The following MGAT5 variants were observed in gnomAD, a reference collection of about 807,000 sequenced individuals.
The protein encoded by MGAT5 is alpha-1,6-mannosylglycoprotein 6-beta-N-acetylglucosaminyltransferase.
In MGAT5, 30 loss-of-function variants were observed where a neutral mutation model predicts 94.3. That is an observed-to-expected ratio of 0.32 (90% confidence interval 0.24 to 0.43). The LOEUF (loss-of-function observed/expected upper bound fraction) is 0.43, where lower values mean the gene tolerates loss of function less well. Among genes scored for constraint, MGAT5 ranks in the 20% least tolerant of loss-of-function variants. The pLI, the probability that MGAT5 is intolerant of heterozygous loss-of-function variation, is 1.00. For missense variants in MGAT5, 691 were observed against 905.5 expected (o/e 0.76, Z 3.04); for synonymous variants, 310 against 322.9 (o/e 0.96, Z 0.43).
intron 2 of MGAT5, among the ~76,000 whole-genome samples, chr2:134,309,863 C>T (rs939406329): frequency 1.6e-4 from 25 of 152,038 alleles, no homozygotes; most frequent in Admixed American, 6.5e-4. Context: ...CAGCTTAATT[C>T]GACAATTCTG....
intron 2 of MGAT5, among the ~76,000 whole-genome samples, chr2:134,274,944 T>A (rs2105672330): frequency 6.6e-6 from 1 of 152,350 alleles, no homozygotes; most frequent in South Asian, 2.1e-4. Context: ...TTCTTACCAT[T>A]TGAAAGTTGA....
intron 4 of MGAT5, among the ~76,000 whole-genome samples, chr2:134,323,768 A>C (rs1687472715): frequency 6.6e-6 from 1 of 152,108 alleles, no homozygotes; most frequent in Non-Finnish European, 1.5e-5. Context: ...GCCTCCAAAA[A>C]AACACAAACT....
chr2:134,302,516 G>T (rs1319355947), intron 2 of MGAT5, among the ~76,000 whole-genome samples: 1 of 152,088 alleles, frequency 6.6e-6, no homozygotes, highest in Non-Finnish European at 1.5e-5. Context: ...CCCTTCTGTA[G>T]TTCCAAGTTA....
chr2:134,435,406 A>G (rs539615679), intron 14 of MGAT5, among the ~76,000 whole-genome samples: 3 of 152,284 alleles, frequency 2.0e-5, no homozygotes, highest in African/African-American at 7.2e-5. Flanking sequence ...GTCTTTTCCC[A>G]GCTGCCACCA....
chr2:134,231,226 A>G (rs911654143), intron 1 of MGAT5: 5 of 152,194 alleles, frequency 3.3e-5, no homozygotes, highest in African/African-American at 1.2e-4. Flanking sequence ...AATGTGTCCA[A>G]TCTGTTCTGA....
chr2:134,147,205 G>A (rs1686959897), intron 1 of MGAT5, among the ~76,000 whole-genome samples: 1 of 152,186 alleles, frequency 6.6e-6, no homozygotes. Context: ...GCATGGATGT[G>A]AGCATTAGAA....
At chr2:134,278,213 A>T (rs1684495004) in intron 2 of MGAT5, among the ~76,000 whole-genome samples, 1 of 152,214 alleles carries the variant, frequency 6.6e-6, no homozygotes, top group South Asian at 2.1e-4. Flanking sequence ...TTAAGAAGAA[A>T]ATACAGTTCA....
chr2:134,301,983 G>A (rs539037257), intron 2 of MGAT5, among the ~76,000 whole-genome samples: 2 of 152,252 alleles, frequency 1.3e-5, no homozygotes, highest in East Asian at 3.9e-4. Flanking sequence ...TAAATAGTAA[G>A]ACCAAAGAAC....
At chr2:134,312,521 A>G (rs1331924955) in intron 2 of MGAT5, among the ~76,000 whole-genome samples, 1 of 152,144 alleles carries the variant, frequency 6.6e-6, no homozygotes, top group South Asian at 2.1e-4. Flanking sequence ...GTTCTCTGGA[A>G]CTTGGGCACT....
chr2:134,266,508 G>A (rs1467124624), intron 1 of MGAT5, among the ~76,000 whole-genome samples: 4 of 152,170 alleles, frequency 2.6e-5, no homozygotes, highest in African/African-American at 7.2e-5. Flanking sequence ...GGCGTGAGCC[G>A]CCGCGCCAGC....
At chr2:134,145,216 G>C (rs140324704) in intron 1 of MGAT5, among the ~76,000 whole-genome samples, 2,176 of 90,144 alleles carry the variant, frequency 0.024, 18 homozygotes, top group East Asian at 0.08. Context: ...CTCTCTCTCT[G>C]TGTGTGTGTG....
At chr2:134,323,389 T>A (rs1002144678) in intron 4 of MGAT5, among the ~76,000 whole-genome samples, 4 of 152,104 alleles carry the variant, frequency 2.6e-5, no homozygotes, top group African/African-American at 9.7e-5. Context: ...TTTATTTAAG[T>A]GACTTCAGCA....
intron 1 of MGAT5, among the ~76,000 whole-genome samples, chr2:134,138,291 CT>C (rs1686511586): frequency 6.6e-6 from 1 of 151,672 alleles, no homozygotes; most frequent in South Asian, 2.1e-4. Context: ...TCTGTAGGAT[CT>C]CTGACCACTC....
chr2:134,418,875 T>C (rs994782809), intron 12 of MGAT5, among the ~76,000 whole-genome samples: 1 of 152,190 alleles, frequency 6.6e-6, no homozygotes, highest in Non-Finnish European at 1.5e-5. Context: ...TCAGACAGCA[T>C]TGAGAGGGAC....
intron 2 of MGAT5, among the ~76,000 whole-genome samples, chr2:134,274,187 A>G (rs995513658): frequency 1.3e-5 from 2 of 152,246 alleles, no homozygotes; most frequent in Admixed American, 6.5e-5. Context: ...TGTTCTGCCC[A>G]TAGTGTCTTG....
intron 10 of MGAT5, among the ~76,000 whole-genome samples, chr2:134,391,440 C>T (rs1181607245): frequency 6.6e-6 from 1 of 152,192 alleles, no homozygotes; most frequent in Admixed American, 6.5e-5. Flanking sequence ...AAATTTATTT[C>T]TCACAGTTCT....
intron 1 of MGAT5, among the ~76,000 whole-genome samples, chr2:134,120,685 G>A (rs1452873530): frequency 6.6e-6 from 1 of 151,890 alleles, no homozygotes; most frequent in East Asian, 2.0e-4. Flanking sequence ...CGCTCGGACC[G>A]CGGAGGAGCC....
chr2:134,330,623 G>A (rs1304485970), intron 4 of MGAT5, among the ~76,000 whole-genome samples: 7 of 148,604 alleles, frequency 4.7e-5, no homozygotes, highest in African/African-American at 1.5e-4. Flanking sequence ...ATACATGATG[G>A]TATGCTTATG....
intron 2 of MGAT5, among the ~76,000 whole-genome samples, chr2:134,313,067 CACACACACACACACACACACACACAT>C (rs1313902969): frequency 2.7e-5 from 4 of 147,884 alleles, no homozygotes; most frequent in African/African-American, 1.0e-4. Context: ...CACACACACA[CACACACACACACACACACACACACAT>C]ATCTGTCTGG....
Sources: allele counts gnomAD v4.1 joint callset (sites outside exome capture counted in the v4.1 genomes callset), GRCh38; gene constraint gnomAD v4.1.1; transcripts MANE v1.5; gene names NCBI Gene and HGNC (gene_info 2026-07-23, HGNC 2026-07-21).